The following CCR6 variants were observed in gnomAD, a reference collection of about 807,000 sequenced individuals.
The protein encoded by CCR6 is C-C chemokine receptor type 6.
In CCR6, 2 loss-of-function variants were observed where a neutral mutation model predicts 3.0. That is an observed-to-expected ratio of 0.66 (90% CI 0.27 to 2.07). CCR6 has a LOEUF of 2.07. Among genes scored for constraint, CCR6 ranks in the 30% most tolerant of loss-of-function variants. CCR6 has a pLI of 0.14. For missense variants in CCR6, 322 were observed against 462.8 expected (o/e 0.70, Z 2.79); for synonymous variants, 193 against 184.3 (o/e 1.05, Z -0.38).
At chr6:167,124,255 T>A (rs1403629489) in intron 1 of CCR6, among the ~76,000 whole-genome samples, 3 of 104,252 alleles carry the variant, frequency 2.9e-5, no homozygotes, top group African/African-American at 4.1e-5. Flanking sequence ...CCAAAGAAAT[T>A]AAAGGAACTG....
At position 167,136,169 on chromosome 6, in the gene CCR6, G is replaced by A. The variant is rs112836572; in HGVS notation, c.9+26G>A. 1.5e-5 allele frequency: 25 copies of A among 1,613,304 alleles called. No homozygotes were observed. In the Middle Eastern group the frequency reaches 5.0e-4, roughly 32 times the overall value. ...GTAAGATTTTTATTTTTGGCAAGGG[G>A]TATAATTTGGGTTCACTGTGGCTAC... On this transcript the variant is annotated intron_variant, in intron 2 of 2. Transcript: ENST00000341935. The surrounding 1 kb of genome is among the most constrained non-coding windows in gnomAD (Gnocchi z 4.6).
At chr6:167,117,944 G>GTTTTTTTTTTTTTTTTTTTTTT (rs34732907), upstream of CCR6, among the ~76,000 whole-genome samples, 1 of 139,352 alleles carries the variant, frequency 7.2e-6, no homozygotes, top group Non-Finnish European at 1.6e-5. Context: ...GCACTTTTCT[G>GTTTTTTTTTTTTTTTTTTTTTT]TTTTTTTTTT....
At chr6:167,121,843 C>T (rs913166448), upstream of CCR6, among the ~76,000 whole-genome samples, 5 of 152,120 alleles carry the variant, frequency 3.3e-5, no homozygotes, top group African/African-American at 7.2e-5. Context: ...AAGAGGACCC[C>T]GTGACCATAG....
chr6:167,135,265 C>G (rs1781832636), intron 1 of CCR6, among the ~76,000 whole-genome samples: 1 of 152,250 alleles, frequency 6.6e-6, no homozygotes. Context: ...AGAGCCTCCT[C>G]CTCCAGGAAG....
chr6:167,136,574 A>C lies in CCR6; in HGVS notation c.344A>C (p.Asn115Thr), dbSNP rs767284243. 2.5e-6 allele frequency: 4 copies of C among 1,608,524 alleles called. No homozygotes were observed. The highest frequency in any genetic ancestry group is 1.3e-5 in the African/African-American group (1 of 75,000). ...SHATGAWVFS[N>T]ATCKLLKGIY... ...GCCACCGGTGCGTGGGTTTTCAGCA[A>C]TGCCACGTGCAAGTTGCTAAAAGGC... Residue 115 changes from asparagine to threonine, a missense_variant, in exon 3 of 3, where the codon AAT becomes ACT. Physicochemically the swap from Asn to Thr is moderately conservative, Grantham distance 65. Coordinates refer to ENST00000341935, the MANE Select transcript of CCR6 (RefSeq NM_031409.4). The surrounding 1 kb of genome is among the most constrained non-coding windows in gnomAD (Gnocchi z 4.6).
rs2114938995 is a variant in CCR6 at position 167,136,030 on chromosome 6, C to G, written c.-97-8C>G. ...ACTGTAGTGCATTTTGCCTTCTTTC[C>G]TTCTTAGAGTCACCTCTACTTTCCT... is the stretch of plus-strand genomic sequence containing the variant. On this transcript the variant is annotated splice_region_variant and splice_polypyrimidine_tract_variant and intron_variant, in intron 1 of 2. Coordinates refer to ENST00000341935, the MANE Select transcript of CCR6 (RefSeq NM_031409.4). This position sits in a 1 kb window ranked among gnomAD's most constrained non-coding sequence, Gnocchi z 4.6. 1 of 1,340,460 alleles carries G rather than the reference C, an allele frequency of 7.5e-7. No individual in the cohort carries two copies. Among genetic ancestry groups the G allele is most frequent in the African/African-American group, 1.5e-5 (1 of 68,136 alleles). 83.0% of individuals were successfully genotyped at this position (1,340,460 alleles called of 1,614,324 possible). A position where few individuals can be genotyped will look rare whatever the true frequency, so the allele number is the denominator to read the frequency against.
chr6:167,137,436 A>G lies in CCR6; in HGVS notation c.*81A>G. 7.1e-7 allele frequency: 1 copy of G among 1,405,454 alleles called. No homozygotes were observed. Among genetic ancestry groups the G allele is most frequent in the Non-Finnish European group, 9.6e-7 (1 of 1,038,994 alleles). The allele number at this position is 1,405,454 out of a possible 1,614,324, so 87.1% of individuals were successfully genotyped here. ...AAAAAAAGTCTATGGCCAGGTATGC[A>G]TGGAAAATGTGGGAATTAAGCAAAA... On this transcript the variant is annotated 3_prime_UTR_variant, in exon 3 of 3. Coordinates refer to ENST00000341935, the MANE Select transcript of CCR6 (RefSeq NM_031409.4). The surrounding 1 kb of genome is among the most constrained non-coding windows in gnomAD (Gnocchi z 4.6).
chr6:167,136,849 C>A lies in CCR6; in HGVS notation c.619C>A (p.Pro207Thr). 1 of 1,614,128 alleles carries A rather than the reference C, an allele frequency of 6.2e-7. No homozygotes were observed. The highest frequency in any genetic ancestry group is 8.5e-7 in the Non-Finnish European group (1 of 1,180,040). Residue 207 changes from proline to threonine, a missense_variant, in exon 3 of 3, where the codon CCC becomes ACC. By Grantham distance (38) the Pro-to-Thr change is conservative (BLOSUM62 -1). Coordinates refer to ENST00000341935, the MANE Select transcript of CCR6 (RefSeq NM_031409.4). The surrounding 1 kb of genome is among the most constrained non-coding windows in gnomAD (Gnocchi z 4.6). ...CEPKYQTVSE[P>T]IRWKLLMLGL... ...ACCCAAGTACCAGACTGTCTCGGAGCCCATCAGGTGGAAGCTGCTGATGTT... is the reference window on the plus strand; with the variant it reads ...ACCCAAGTACCAGACTGTCTCGGAGACCATCAGGTGGAAGCTGCTGATGTT...
intron 1 of CCR6, chr6:167,116,824 T>C (rs1296411049): frequency 6.6e-6 from 1 of 152,340 alleles, no homozygotes; most frequent in East Asian, 1.9e-4. Context: ...CTCTTCCTGC[T>C]GTGGCAGCAC....
chr6:167,129,902 A>G (rs964164234), intron 1 of CCR6, among the ~76,000 whole-genome samples: 1 of 151,706 alleles, frequency 6.6e-6, no homozygotes, highest in African/African-American at 2.4e-5. Context: ...GAAGCCTCTT[A>G]ACTGCAAAAC....
At chr6:167,116,495 C>T (rs564089755) in intron 1 of CCR6, among the ~76,000 whole-genome samples, 62 of 152,344 alleles carry the variant, frequency 4.1e-4, no homozygotes, top group African/African-American at 1.4e-3. Context: ...AATGTGTCCT[C>T]CCTTCTCCCA....
intron 1 of CCR6, chr6:167,131,253 T>C (rs1251923685): frequency 1.3e-5 from 2 of 152,384 alleles, no homozygotes; most frequent in East Asian, 3.9e-4. Context: ...TCAGTGCCTC[T>C]CCTCCGTAGA....
intron 1 of CCR6, among the ~76,000 whole-genome samples, chr6:167,129,122 A>G (rs1199517788): frequency 6.6e-6 from 1 of 152,206 alleles, no homozygotes; most frequent in Non-Finnish European, 1.5e-5. Context: ...CAGTGTCCAT[A>G]GGGCCTTGTG....
At chr6:167,113,324 T>C (rs1402650963) in intron 1 of CCR6, among the ~76,000 whole-genome samples, 1 of 152,112 alleles carries the variant, frequency 6.6e-6, no homozygotes, top group African/African-American at 2.4e-5. Flanking sequence ...CCAGAGCTTA[T>C]TGGAAGCAGC....
intron 1 of CCR6, chr6:167,115,503 C>T (rs528558063): frequency 2.6e-5 from 4 of 152,296 alleles, no homozygotes; most frequent in African/African-American, 7.2e-5. Flanking sequence ...AAGCAGGGTG[C>T]CTTGTCCAAA....
chr6:167,132,302 A>G (rs1781780958), intron 1 of CCR6, among the ~76,000 whole-genome samples: 1 of 151,966 alleles, frequency 6.6e-6, no homozygotes, highest in African/African-American at 2.4e-5. Context: ...TCCAGTGTTA[A>G]TCCTCCCATG....
At chr6:167,123,844 G>A (rs1270193472) in intron 1 of CCR6, among the ~76,000 whole-genome samples, 2 of 152,192 alleles carry the variant, frequency 1.3e-5, no homozygotes, top group Non-Finnish European at 2.9e-5. Context: ...AGGTGCAGTG[G>A]CTCATACCTG....
chr6:167,136,703 C>A lies in CCR6; in HGVS notation c.473C>A (p.Ser158Tyr). 1.2e-6 allele frequency: 2 copies of A among 1,614,132 alleles called. No individual in the cohort carries two copies. Among genetic ancestry groups the A allele is most frequent in the Non-Finnish European group, 1.7e-6 (2 of 1,180,050 alleles). ...VQATKSFRLR[S>Y]RTLPRSKIIC... is the part of the protein sequence containing the mutation. ...GCGACTAAGTCATTCCGGCTCCGAT[C>A]CAGAACACTACCGCGCAGCAAAATC... The change falls in exon 3 of 3, where the codon TCC becomes TAC. Residue 158 changes from serine (S) to tyrosine (Y), a missense_variant. Coordinates refer to ENST00000341935, the MANE Select transcript of CCR6 (RefSeq NM_031409.4). The surrounding 1 kb of genome is among the most constrained non-coding windows in gnomAD (Gnocchi z 4.6).
chr6:167,128,468 T>C (rs138402613), intron 1 of CCR6, among the ~76,000 whole-genome samples: 211 of 152,394 alleles, frequency 1.4e-3, no homozygotes, highest in Non-Finnish European at 2.0e-3. Context: ...ATAGTACTGA[T>C]TAACTAGCCT....
Sources: allele counts gnomAD v4.1 joint callset (sites outside exome capture counted in the v4.1 genomes callset), GRCh38; gene constraint gnomAD v4.1.1; non-coding constraint Gnocchi (gnomAD v3.1); transcripts MANE v1.5; gene names NCBI Gene and HGNC (gene_info 2026-07-23, HGNC 2026-07-21).